RBL1: variants seen among roughly 807,000 people sequenced by gnomAD.
RBL1 encodes retinoblastoma-like protein 1.
A neutral mutation model predicts 123.0 loss-of-function variants in RBL1; 82 were observed. That is an observed-to-expected ratio of 0.67 (90% confidence interval 0.56 to 0.80). The LOEUF is 0.80. Ranked by LOEUF, RBL1 falls within the 30% of genes least tolerant of loss-of-function variation. The pLI, the probability that RBL1 is intolerant of heterozygous loss-of-function variation, is 0.00. For missense variants in RBL1, 1,171 were observed against 1,299.6 expected, an observed-to-expected ratio of 0.90 and a Z score of 1.52; for synonymous variants, 405 against 441.3, an observed-to-expected ratio of 0.92 and a Z score of 1.03.
At chr20:37,046,647 G>A (rs62206483) in intron 12 of RBL1, among the ~76,000 whole-genome samples, 24,093 of 147,516 alleles carry the variant, frequency 0.16, 2,477 homozygotes, top group Middle Eastern at 0.31. Flanking sequence ...TGCTCCTGTC[G>A]TCTAGGCTGG....
intron 13 of RBL1, among the ~76,000 whole-genome samples, chr20:37,042,165 A>G (rs2064740448): frequency 1.3e-5 from 2 of 152,092 alleles, no homozygotes; most frequent in Non-Finnish European, 2.9e-5. Context: ...ATTTGTATCT[A>G]GAATAGATGA....
intron 15 of RBL1, among the ~76,000 whole-genome samples, chr20:37,033,251 T>A (rs1040830900): frequency 1.3e-4 from 19 of 151,360 alleles, no homozygotes; most frequent in African/African-American, 4.4e-4. Flanking sequence ...AGTGGCGTGA[T>A]CTCGGCTCAC....
In RBL1 at chr20:37,000,896, T is replaced by TG. The variant is rs1176081967; in HGVS notation, c.3037-1968dup. The stretch of plus-strand genomic sequence containing the variant: ...CCAGCCGCCCCGTCCAGGAGGGAGG[T>TG]GGGGGGGTCAGCCCCCCGCCCGGCC... On this transcript the variant is annotated intron_variant, in intron 21 of 21. Transcript: ENST00000373664. Among the ~76,000 whole-genome samples, 212 of 109,922 alleles carry TG rather than the reference T, an allele frequency of 1.9e-3. 2 individuals are homozygous for TG. Among genetic ancestry groups the TG allele is most frequent in the African/African-American group, 6.8e-3 (191 of 28,226 alleles). 72.1% of individuals were successfully genotyped at this position (109,922 alleles called of 152,430 possible).
intron 9 of RBL1, among the ~76,000 whole-genome samples, chr20:37,060,081 A>G (rs2065069052): frequency 6.6e-6 from 1 of 152,070 alleles, no homozygotes; most frequent in Non-Finnish European, 1.5e-5. Context: ...CTGAGGCAGG[A>G]GAATCACTTG....
chr20:37,081,815 G>A (rs2065454818), intron 2 of RBL1: 1 of 345,070 alleles, frequency 2.9e-6, no homozygotes, highest in Non-Finnish European at 5.8e-6. Context: ...ATCAAGTGTG[G>A]AATTGGTTGC....
intron 21 of RBL1, among the ~76,000 whole-genome samples, chr20:37,001,256 G>A (rs1236622322): frequency 2.0e-5 from 3 of 152,152 alleles, no homozygotes; most frequent in Non-Finnish European, 4.4e-5. Context: ...CCGTCTGGGA[G>A]GTGTACTCAA....
chr20:37,009,351 G>A (rs1274733634), intron 19 of RBL1, among the ~76,000 whole-genome samples: 1 of 151,838 alleles, frequency 6.6e-6, no homozygotes, highest in African/African-American at 2.4e-5. Flanking sequence ...CTACCATTCT[G>A]GGAAACACTG....
At chr20:37,004,714 C>CAAAAAA (rs11361452) in intron 20 of RBL1, among the ~76,000 whole-genome samples, 1 of 72,520 alleles carries the variant, frequency 1.4e-5, no homozygotes, top group Non-Finnish European at 2.5e-5. Flanking sequence ...GACTCTGCCT[C>CAAAAAA]AAAAAAAAAA....
chr20:37,050,412 G>A (rs1186115391), intron 11 of RBL1, among the ~76,000 whole-genome samples: 1 of 151,670 alleles, frequency 6.6e-6, no homozygotes, highest in East Asian at 2.0e-4. Flanking sequence ...AGGTGTGGTG[G>A]CTGGCACCTG....
At chr20:37,012,612 G>A (rs1420350938) in intron 19 of RBL1, among the ~76,000 whole-genome samples, 1 of 145,414 alleles carries the variant, frequency 6.9e-6, no homozygotes, top group Non-Finnish European at 1.5e-5. Flanking sequence ...GAGAAGTGAG[G>A]AGCCCCTCCG....
intron 21 of RBL1, among the ~76,000 whole-genome samples, chr20:36,999,474 T>TCCTCTCCCTCTCCCTCTCCCCACGGTCTC (rs2063929385): frequency 4.9e-5 from 7 of 142,368 alleles, no homozygotes; most frequent in African/African-American, 1.9e-4. Flanking sequence ...TCCCTCTCCC[T>TCCTCTCCCTCTCCCTCTCCCCACGGTCTC]CCTCTCCCTC....
In RBL1 at chr20:37,002,341, T is replaced by G. The variant is rs539402775; in HGVS notation, c.3036+1361A>C. Among the ~76,000 whole-genome samples, 62 of 102,240 alleles carry G rather than the reference T, an allele frequency of 6.1e-4. 1 individual carries two copies. Among genetic ancestry groups the G allele is most frequent in the Middle Eastern group, 4.3e-3 (1 of 230 alleles). 67.1% of individuals were successfully genotyped at this position (102,240 alleles called of 152,430 possible). A position where few individuals can be genotyped will look rare whatever the true frequency, so the allele number is the denominator to read the frequency against. On this transcript the variant is annotated intron_variant, in intron 21 of 21. Coordinates refer to ENST00000373664, the MANE Select transcript of RBL1 (RefSeq NM_002895.5). ...CACCGTGCCTAGCCTTATCTGTTTT[T>G]TTTTTTTTTTTTTTTTTTTGAGACT...
chr20:37,016,703 G>C (rs2064258811), intron 19 of RBL1, among the ~76,000 whole-genome samples: 1 of 151,938 alleles, frequency 6.6e-6, no homozygotes. Context: ...ATGGTAGGGA[G>C]ACTGCTTGAG....
intron 19 of RBL1, among the ~76,000 whole-genome samples, chr20:37,010,253 T>C (rs2064130661): frequency 6.6e-6 from 1 of 151,962 alleles, no homozygotes; most frequent in African/African-American, 2.4e-5. Flanking sequence ...AATGGGTTTT[T>C]ACTGATGAAA....
At chr20:37,082,095 A>T (rs149841541) in intron 2 of RBL1, 2 of 447,636 alleles carry the variant, frequency 4.5e-6, no homozygotes, top group Non-Finnish European at 8.9e-6. Flanking sequence ...CCAGGATCAT[A>T]AGGTTTCTCC....
intron 16 of RBL1, among the ~76,000 whole-genome samples, chr20:37,029,038 G>A (rs1477755405): frequency 1.3e-5 from 2 of 152,204 alleles, no homozygotes; most frequent in East Asian, 3.9e-4. Flanking sequence ...AGAAGGTAAG[G>A]ATAATTTAAA....
At chr20:37,000,774 G>A (rs1417019660) in intron 21 of RBL1, among the ~76,000 whole-genome samples, 14 of 136,682 alleles carry the variant, frequency 1.0e-4, no homozygotes, top group African/African-American at 3.0e-4. Context: ...GGAGGCGGGG[G>A]GGTCAGCCCC....
chr20:37,063,157 A>G (rs1337818490), intron 7 of RBL1, among the ~76,000 whole-genome samples: 31 of 152,174 alleles, frequency 2.0e-4, no homozygotes, highest in African/African-American at 6.5e-4. Context: ...GGCACACTGC[A>G]GCCTCTACCT....
At chr20:37,007,342 G>C in intron 20 of RBL1, 69 bp downstream of exon 20, 1 of 1,520,312 alleles carries the variant, frequency 6.6e-7, no homozygotes, top group Non-Finnish European at 9.0e-7. Context: ...TATTTATCTA[G>C]CAAAATAAAC....
Sources: allele counts gnomAD v4.1 joint callset (sites outside exome capture counted in the v4.1 genomes callset), GRCh38; gene constraint gnomAD v4.1.1; transcripts MANE v1.5; gene names NCBI Gene and HGNC (gene_info 2026-07-23, HGNC 2026-07-21).